ITGB3: variants seen among roughly 807,000 people sequenced by gnomAD.
ITGB3 encodes the protein integrin beta-3.
In ITGB3, 48 loss-of-function variants were observed where a neutral mutation model predicts 85.8. That is an observed-to-expected ratio of 0.56 (90% CI 0.44 to 0.71). The LOEUF (loss-of-function observed/expected upper bound fraction) is 0.71, where lower values mean the gene tolerates loss of function less well. Among genes scored for constraint, ITGB3 ranks in the 30% least tolerant of loss-of-function variants. The pLI is 0.00. For synonymous variants in ITGB3, 363 were observed against 395.6 expected (o/e 0.92, Z 0.98); for missense variants, 861 against 1,019.1 (o/e 0.84, Z 2.11).
rs372344802 is a variant in ITGB3, at chr17:47,308,608, T to G, written c.2301+971T>G. Among the ~76,000 whole-genome samples the G allele has an allele frequency of 1.8e-3, 277 of 152,256 alleles. 2 individuals are homozygous for G. The highest frequency in any genetic ancestry group is 6.4e-3 in the African/African-American group (268 of 41,554). ...ACCTTGGCCTCTCAGGTTCAAGTGA[T>G]TCTCCTGCCTCAGCCTCCCAAGTAA... On this transcript the variant is annotated intron_variant, in intron 14 of 14. Coordinates refer to ENST00000559488, the MANE Select transcript of ITGB3 (RefSeq NM_000212.3).
chr17:47,254,101 C>T (rs112188890), intron 1 of ITGB3, among the ~76,000 whole-genome samples, 161 bp downstream of exon 1: 6,461 of 152,224 alleles, frequency 0.042, 220 homozygotes, highest in Admixed American at 0.097. Context: ...GAGCTGGGGA[C>T]CTTCCTGGCC....
chr17:47,307,327 T>TA, intron 13 of ITGB3, 144 bp from the exon 14 acceptor site: 1 of 866,728 alleles, frequency 1.2e-6, no homozygotes, highest in Admixed American at 2.0e-5. Flanking sequence ...CTAATGATTG[T>TA]CTCCTTAAAA....
intron 1 of ITGB3, among the ~76,000 whole-genome samples, chr17:47,268,817 TG>T (rs1251840579): frequency 1.3e-5 from 2 of 152,048 alleles, no homozygotes; most frequent in Non-Finnish European, 2.9e-5. Context: ...AGTGCCCGAG[TG>T]GGGGGCTCTA....
At chr17:47,290,816 G>A (rs2065122383) in intron 8 of ITGB3, 138 bp from the exon 9 acceptor site, 1 of 981,950 alleles carries the variant, frequency 1.0e-6, no homozygotes, top group Non-Finnish European at 1.6e-6. Flanking sequence ...CAGCTTCCAG[G>A]TCAAACCTTG....
At position 47,299,018 on chromosome 17, in the gene ITGB3, G is replaced by C. The variant is rs2065155986; in HGVS notation, c.1691-290G>C. 6.6e-6 allele frequency among the ~76,000 whole-genome samples: 1 copy of C among 152,212 alleles called. No individual in the cohort carries two copies. Among genetic ancestry groups the C allele is most frequent in the South Asian group, 2.1e-4 (1 of 4,828 alleles). On this transcript the variant is annotated intron_variant, in intron 10 of 14. Coordinates refer to ENST00000559488, the MANE Select transcript of ITGB3 (RefSeq NM_000212.3). The surrounding 1 kb of genome is among the most constrained non-coding windows in gnomAD (Gnocchi z 5.1). ...TTTCTCTTGCCTTTCTCAGAAGGCA[G>C]AGGTATTCAGAAAAGGGCAAGAGAG...
intron 10 of ITGB3, among the ~76,000 whole-genome samples, chr17:47,293,881 C>T (rs2065136534): frequency 6.6e-6 from 1 of 152,300 alleles, no homozygotes; most frequent in Non-Finnish European, 1.5e-5. Flanking sequence ...GCTGGGATTA[C>T]AGGCATGAGC....
intron 10 of ITGB3, among the ~76,000 whole-genome samples, chr17:47,295,828 G>A (rs1007991509): frequency 1.3e-5 from 2 of 152,322 alleles, no homozygotes; most frequent in South Asian, 2.1e-4. Context: ...GCTGCTGTGA[G>A]GTTGGCCGAT....
chr17:47,260,398 G>A (rs1391714297), intron 1 of ITGB3, among the ~76,000 whole-genome samples: 1 of 152,106 alleles, frequency 6.6e-6, no homozygotes, highest in Non-Finnish European at 1.5e-5. Context: ...TTCATGTAAG[G>A]ATTTCTTTGG....
chr17:47,292,418 C>G lies in ITGB3; in HGVS notation c.1540C>G (p.Pro514Ala), dbSNP rs746598315. 6.2e-7 allele frequency: 1 copy of G among 1,611,556 alleles called. No individual in the cohort carries two copies. The highest frequency in any genetic ancestry group is 1.3e-5 in the African/African-American group (1 of 74,904). Residue 514 changes from proline to alanine, a missense_variant, in exon 10 of 15, where the codon CCC becomes GCC. Coordinates refer to ENST00000559488, the MANE Select transcript of ITGB3 (RefSeq NM_000212.3). ...CCCTTCCCAGCAGGACGAATGCAGC[C>G]CCCGGGAGGGTCAGCCCGTCTGCAG... ...YRPSQQDECS[P>A]REGQPVCSQR...
chr17:47,288,531 C>T (rs1287766395), intron 6 of ITGB3, among the ~76,000 whole-genome samples: 2 of 152,184 alleles, frequency 1.3e-5, no homozygotes, highest in Admixed American at 1.3e-4. Context: ...GCAACTTCCT[C>T]ATCTAGGTGA....
rs534654534 is a variant in ITGB3, at chr17:47,253,918, G to T, written c.57G>T (p.Ala19=). The stretch of plus-strand genomic sequence containing the variant: ...GGGCGACTGTGCTGGCGCTGGGGGC[G>T]CTGGCGGGCGTTGGCGTAGGAGGTG... ...PLWATVLALG[A]LAGVGVGGPN... Residue 19 remains alanine, a synonymous_variant, in exon 1 of 15, where the codon GCG becomes GCT. Transcript: ENST00000559488. 6.2e-4 allele frequency: 869 copies of T among 1,412,910 alleles called. 5 individuals carry two copies. In the African/African-American group the frequency reaches 0.012, roughly 19 times the overall value. The allele number at this position is 1,412,910 out of a possible 1,614,324, so 87.5% of individuals were successfully genotyped here.
rs2065209445 is a variant in ITGB3 at position 47,310,397 on chromosome 17, T to C, written c.*193T>C. 14 of 678,074 alleles carry C rather than the reference T, an allele frequency of 2.1e-5. No homozygotes were observed. The highest frequency in any genetic ancestry group is 2.0e-4 in the South Asian group (13 of 63,820). The allele number at this position is 678,074 out of a possible 1,614,324, so 42.0% of individuals were successfully genotyped here. A position where few individuals can be genotyped will look rare whatever the true frequency, so the allele number is the denominator to read the frequency against. The stretch of plus-strand genomic sequence containing the variant: ...GGGGGTCTGTGTGTTTATGTGTGTG[T>C]GTTGTGTGTGGGAGTGTGTAATTTA... On this transcript the variant is annotated 3_prime_UTR_variant, in exon 15 of 15. Coordinates refer to ENST00000559488, the MANE Select transcript of ITGB3 (RefSeq NM_000212.3).
At chr17:47,287,623 T>C (rs1160595262) in intron 6 of ITGB3, among the ~76,000 whole-genome samples, 1 of 152,142 alleles carries the variant, frequency 6.6e-6, no homozygotes, top group Non-Finnish European at 1.5e-5. Context: ...AAGAGAAAGA[T>C]TGGCCAGGCA....
At chr17:47,280,804 C>T (rs1406331097) in intron 2 of ITGB3, among the ~76,000 whole-genome samples, 1 of 152,194 alleles carries the variant, frequency 6.6e-6, no homozygotes, top group Non-Finnish European at 1.5e-5. Context: ...CATCCTGTTC[C>T]CTACCTGGGG....
intron 1 of ITGB3, among the ~76,000 whole-genome samples, chr17:47,256,420 G>T (rs1336851575): frequency 6.6e-6 from 1 of 152,046 alleles, no homozygotes; most frequent in Non-Finnish European, 1.5e-5. Context: ...CTGAGAAGCA[G>T]TGTACAGTAG....
Position 47,284,621 on chromosome 17 carries a change from G to A in ITGB3, c.540G>A (p.Gly180=). ...KLTSNLRIGF[G]AFVDKPVSPY... Reference sequence around the variant, plus strand: ...CCAGTAACCTGCGGATTGGCTTCGGGGCATTTGTGGACAAGCCTGTGTCAC... The same window carrying A: ...CCAGTAACCTGCGGATTGGCTTCGGAGCATTTGTGGACAAGCCTGTGTCAC... Residue 180 remains glycine (G), a synonymous_variant, in exon 4 of 15, where the codon GGG becomes GGA. Transcript: ENST00000559488. 6.2e-7 allele frequency: 1 copy of A among 1,614,014 alleles called. No homozygotes were observed. The highest frequency in any genetic ancestry group is 1.1e-5 in the South Asian group (1 of 91,056).
chr17:47,269,269 T>C (rs2065036158), intron 1 of ITGB3, among the ~76,000 whole-genome samples: 1 of 152,232 alleles, frequency 6.6e-6, no homozygotes, highest in Admixed American at 6.5e-5. Flanking sequence ...TAATTAACAT[T>C]CAGCTCCTCG....
At position 47,303,320 on chromosome 17, in the gene ITGB3, C is replaced by A. The variant is rs118156589; in HGVS notation, c.2134+480C>A. ...TAGGGACCGTCATCTGGGTGAAGGGCATTTATAAATACAAATATTATCAAG... is the reference window on the plus strand; with the variant it reads ...TAGGGACCGTCATCTGGGTGAAGGGAATTTATAAATACAAATATTATCAAG... On this transcript the variant is annotated intron_variant, in intron 13 of 14. Transcript: ENST00000559488. 6.2e-4 allele frequency: 99 copies of A among 159,708 alleles called. 2 individuals are homozygous for A. In the East Asian group the frequency reaches 0.014, roughly 22 times the overall value. The allele number at this position is 159,708 out of a possible 1,614,324, so 9.9% of individuals were successfully genotyped here. A position where few individuals can be genotyped will look rare whatever the true frequency, so the allele number is the denominator to read the frequency against.
chr17:47,307,190 T>G (rs1406429220), intron 13 of ITGB3, among the ~76,000 whole-genome samples: 1 of 152,072 alleles, frequency 6.6e-6, no homozygotes, highest in Non-Finnish European at 1.5e-5. Flanking sequence ...GGTGTTCTCT[T>G]CTTTGTGTTT....
Sources: gnomAD v4.1 joint callset for allele counts (sites outside exome capture counted in the v4.1 genomes callset) on GRCh38, gnomAD v4.1.1 for gene constraint, Gnocchi (gnomAD v3.1) non-coding constraint, MANE v1.5 for transcripts, NCBI Gene and HGNC (gene_info 2026-07-23, HGNC 2026-07-21) for gene names.